LYPLAL1: variants seen among roughly 807,000 people sequenced by gnomAD.
LYPLAL1 encodes lysophospholipase-like protein 1.
In LYPLAL1, 23 loss-of-function variants were observed where a neutral mutation model predicts 19.7. The ratio of observed to expected loss-of-function variants is 1.17; its 90% CI spans 0.84 to 1.65. The LOEUF is 1.65. Among genes scored for constraint, LYPLAL1 ranks in the 40% most tolerant of loss-of-function variants. LYPLAL1 has a pLI of 0.00. For missense variants in LYPLAL1, 355 were observed against 279.4 expected (o/e 1.27, Z -1.93); for synonymous variants, 119 against 96.3 (o/e 1.24, Z -1.38).
chr1:219,378,289 G>A, the LYPLAL1 span, among the ~76,000 whole-genome samples: 1 of 152,132 alleles, frequency 6.6e-6, no homozygotes, highest in African/African-American at 2.4e-5. Flanking sequence ...TACAGTCATG[G>A]CAGAAGGGGA....
chr1:219,198,317 A>G (rs1218592995), intron 3 of LYPLAL1, among the ~76,000 whole-genome samples: 1 of 152,100 alleles, frequency 6.6e-6, no homozygotes. Flanking sequence ...CATTTTAAGT[A>G]GAATAGCTTA....
At chr1:219,189,387 T>C (rs987414863) in intron 2 of LYPLAL1, among the ~76,000 whole-genome samples, 1 of 151,678 alleles carries the variant, frequency 6.6e-6, no homozygotes. Context: ...ACAGTTTGAC[T>C]ACAATTTGAG....
At chr1:219,328,670 C>T in the LYPLAL1 span, among the ~76,000 whole-genome samples, 2 of 152,202 alleles carry the variant, frequency 1.3e-5, no homozygotes, top group Admixed American at 1.3e-4. Flanking sequence ...TATAAATAAG[C>T]CACATTAATA....
the LYPLAL1 span, chr1:219,442,660 A>T: frequency 6.6e-6 from 1 of 152,128 alleles, no homozygotes; most frequent in Non-Finnish European, 1.5e-5. Context: ...GGATTGACTC[A>T]ACCATGGTTA....
the LYPLAL1 span, among the ~76,000 whole-genome samples, chr1:219,379,330 A>T: frequency 6.6e-6 from 1 of 152,200 alleles, no homozygotes; most frequent in Non-Finnish European, 1.5e-5. Flanking sequence ...AGGTGGAAGC[A>T]GAACTCCTGG....
chr1:219,351,261 T>C, the LYPLAL1 span, among the ~76,000 whole-genome samples: 572 of 152,214 alleles, frequency 3.8e-3, 2 homozygotes, highest in Non-Finnish European at 7.1e-3. Flanking sequence ...GACCTTTTCA[T>C]TTGCAGATAT....
At chr1:219,204,844 ACT>A (rs1179988629) in intron 3 of LYPLAL1, among the ~76,000 whole-genome samples, 1 of 152,162 alleles carries the variant, frequency 6.6e-6, no homozygotes, top group African/African-American at 2.4e-5. Context: ...AAGAGAGAAT[ACT>A]GTTATAATTT....
At chr1:219,274,278 C>T in the LYPLAL1 span, among the ~76,000 whole-genome samples, 1 of 152,176 alleles carries the variant, frequency 6.6e-6, no homozygotes, top group Non-Finnish European at 1.5e-5. Context: ...AACAGCCCAA[C>T]TAGTTCATCA....
At chr1:219,227,978 C>T in the LYPLAL1 span, among the ~76,000 whole-genome samples, 1 of 152,134 alleles carries the variant, frequency 6.6e-6, no homozygotes, top group East Asian at 1.9e-4. Context: ...GTTCAGGACC[C>T]AAGTTCATCC....
At chr1:219,346,609 G>A in the LYPLAL1 span, among the ~76,000 whole-genome samples, 1 of 152,180 alleles carries the variant, frequency 6.6e-6, no homozygotes, top group Non-Finnish European at 1.5e-5. Context: ...TACTGGCAGA[G>A]AGACGCTGTG....
chr1:219,355,642 G>T, the LYPLAL1 span, among the ~76,000 whole-genome samples: 2 of 152,004 alleles, frequency 1.3e-5, no homozygotes, highest in Non-Finnish European at 2.9e-5. Context: ...GACATTTATA[G>T]AACTTTATAC....
the LYPLAL1 span, among the ~76,000 whole-genome samples, chr1:219,280,016 C>G: frequency 6.6e-6 from 1 of 152,094 alleles, no homozygotes; most frequent in Non-Finnish European, 1.5e-5. Flanking sequence ...ATATAACAAA[C>G]GTTTCAACTT....
the LYPLAL1 span, among the ~76,000 whole-genome samples, chr1:219,380,938 G>A: frequency 6.6e-6 from 1 of 152,162 alleles, no homozygotes; most frequent in Non-Finnish European, 1.5e-5. Flanking sequence ...AGGGGCCATA[G>A]TTTGCCAACC....
At chr1:219,234,747 A>G in the LYPLAL1 span, among the ~76,000 whole-genome samples, 1 of 152,178 alleles carries the variant, frequency 6.6e-6, no homozygotes, top group Non-Finnish European at 1.5e-5. Context: ...GGTCATTTAT[A>G]TAACATAACG....
the LYPLAL1 span, among the ~76,000 whole-genome samples, chr1:219,235,242 A>G: frequency 6.6e-6 from 1 of 152,190 alleles, no homozygotes. Context: ...TAACCAATGT[A>G]TTTGTTCATG....
the LYPLAL1 span, chr1:219,435,294 G>A: frequency 5.9e-5 from 9 of 152,276 alleles, no homozygotes; most frequent in Non-Finnish European, 1.2e-4. Flanking sequence ...TGCCACTAAG[G>A]ACCCAGAACT....
chr1:219,326,183 G>A, the LYPLAL1 span, among the ~76,000 whole-genome samples: 2 of 151,916 alleles, frequency 1.3e-5, no homozygotes, highest in East Asian at 1.9e-4. Context: ...CAAAATATTG[G>A]GATTACAGGG....
the LYPLAL1 span, among the ~76,000 whole-genome samples, chr1:219,257,505 G>A: frequency 2.6e-5 from 4 of 151,762 alleles, no homozygotes; most frequent in East Asian, 7.8e-4. Flanking sequence ...TTTACAGCTG[G>A]GCCACCAGGG....
At chr1:219,279,682 G>A in the LYPLAL1 span, among the ~76,000 whole-genome samples, 1 of 152,188 alleles carries the variant, frequency 6.6e-6, no homozygotes. Flanking sequence ...TAACAAGCCA[G>A]TTTTGACAAG....
Sources: gnomAD v4.1 joint callset for allele counts (sites outside exome capture counted in the v4.1 genomes callset) on GRCh38, gnomAD v4.1.1 for gene constraint, MANE v1.5 for transcripts, NCBI Gene and HGNC (gene_info 2026-07-23, HGNC 2026-07-21) for gene names.